ZFHX3: variants seen among roughly 807,000 people sequenced by gnomAD.
ZFHX3 encodes the protein zinc finger homeobox protein 3.
In ZFHX3, 42 loss-of-function variants were observed where a neutral mutation model predicts 279.1. That is an observed-to-expected ratio of 0.15 (90% CI 0.12 to 0.19). The LOEUF is 0.19. ZFHX3 is among the 10% of genes least tolerant of loss of function. ZFHX3 has a pLI of 1.00. For synonymous variants in ZFHX3, 2,293 were observed against 1,957.8 expected, an observed-to-expected ratio of 1.17 and a Z score of -4.52; for missense variants, 4,981 against 4,754.0, an observed-to-expected ratio of 1.05 and a Z score of -1.40.
intron 4 of ZFHX3, among the ~76,000 whole-genome samples, chr16:73,304,651 G>T (rs1017042995): frequency 3.9e-5 from 6 of 152,166 alleles, no homozygotes; most frequent in African/African-American, 1.2e-4. Context: ...ATCTAAAGCA[G>T]CATGTCACTG....
At chr16:73,388,566 C>T (rs2016947298) in intron 3 of ZFHX3, among the ~76,000 whole-genome samples, 1 of 152,208 alleles carries the variant, frequency 6.6e-6, no homozygotes, top group Non-Finnish European at 1.5e-5. Context: ...TTGGAGGCTC[C>T]ATGGAGGGCT....
intron 3 of ZFHX3, among the ~76,000 whole-genome samples, chr16:73,388,638 T>C (rs1292937682): frequency 6.6e-6 from 1 of 152,202 alleles, no homozygotes; most frequent in African/African-American, 2.4e-5. Flanking sequence ...CTCCCCCTGC[T>C]AGCTCCTTTC....
intron 6 of ZFHX3, among the ~76,000 whole-genome samples, chr16:73,133,427 C>T (rs368675424): frequency 2.0e-5 from 3 of 151,588 alleles, no homozygotes; most frequent in Non-Finnish European, 2.9e-5. Context: ...GAGGCTGAGG[C>T]GGGAGAATTA....
chr16:73,076,335 T>A (rs900330671), intron 8 of ZFHX3, among the ~76,000 whole-genome samples: 2 of 152,184 alleles, frequency 1.3e-5, no homozygotes, highest in Admixed American at 1.3e-4. Context: ...CTAAGTTAAA[T>A]CTGTTAGTAC....
intron 1 of ZFHX3, among the ~76,000 whole-genome samples, chr16:73,807,221 T>A (rs1960300875): frequency 6.6e-6 from 1 of 152,130 alleles, no homozygotes; most frequent in Non-Finnish European, 1.5e-5. Context: ...TGTGAATACA[T>A]CATTTTTCAT....
In ZFHX3 at chr16:72,783,480, T is replaced by G. The variant is rs759965194; in HGVS notation, c.*3684A>C. 4 of 152,632 alleles carry G rather than the reference T, an allele frequency of 2.6e-5. No individual in the cohort carries two copies. The highest frequency in any genetic ancestry group is 4.4e-5 in the Non-Finnish European group (3 of 68,052). 9.5% of individuals were successfully genotyped at this position (152,632 alleles called of 1,614,324 possible). A position where few individuals can be genotyped will look rare whatever the true frequency, so the allele number is the denominator to read the frequency against. ...GGTCACTGCCTCTCTCTCCTGCAAC[T>G]TCCTGCCATGCCTGATAAACTCAGG... On this transcript the variant is annotated 3_prime_UTR_variant, in exon 10 of 10. Transcript: ENST00000268489.
chr16:73,537,281 C>T lies in ZFHX3; in HGVS notation c.-1546-81023G>A, dbSNP rs988965000. Among the ~76,000 whole-genome samples, 11 of 149,752 alleles carry T rather than the reference C, an allele frequency of 7.3e-5. No homozygotes were observed. The South Asian group carries it at 1.3e-3, about 17-fold the overall frequency. ...GGAATGTTTTCTTGTGTTCTGATTC[C>T]GGCTCTAAATCTAAAGTCACTTCTT... is the stretch of plus-strand genomic sequence containing the variant. On this transcript the variant is annotated intron_variant, in intron 2 of 17. Coordinates refer to the ZFHX3 transcript ENST00000641206.
chr16:72,848,986 G>T (rs928743529), intron 4 of ZFHX3, among the ~76,000 whole-genome samples: 1 of 152,014 alleles, frequency 6.6e-6, no homozygotes, highest in African/African-American at 2.4e-5. Flanking sequence ...AAAACCAGGG[G>T]GGAAGGAAAA....
chr16:72,975,059 G>A (rs755065042), intron 1 of ZFHX3, among the ~76,000 whole-genome samples: 20 of 152,188 alleles, frequency 1.3e-4, no homozygotes, highest in South Asian at 4.1e-4. Flanking sequence ...CTACCACCAG[G>A]ACGCAAGGGC....
chr16:73,146,946 C>A (rs1290292536), intron 5 of ZFHX3, among the ~76,000 whole-genome samples: 2 of 152,214 alleles, frequency 1.3e-5, no homozygotes, highest in Non-Finnish European at 2.9e-5. Context: ...ACGTGAGCCA[C>A]CGTGCCTGGC....
chr16:73,658,626 T>C (rs1329376987), intron 2 of ZFHX3, among the ~76,000 whole-genome samples: 1 of 152,176 alleles, frequency 6.6e-6, no homozygotes, highest in East Asian at 1.9e-4. Flanking sequence ...TTATGACATA[T>C]CATCCACTTG....
At chr16:73,023,285 G>A (rs550803745) in intron 1 of ZFHX3, among the ~76,000 whole-genome samples, 20 of 152,270 alleles carry the variant, frequency 1.3e-4, no homozygotes, top group Admixed American at 8.5e-4. Context: ...ACATCTACAG[G>A]CTAGGTTTTG....
chr16:73,678,220 G>A (rs1381511729), intron 2 of ZFHX3, among the ~76,000 whole-genome samples: 1 of 152,072 alleles, frequency 6.6e-6, no homozygotes, highest in Non-Finnish European at 1.5e-5. Context: ...AAACTTTTCT[G>A]TGTTACACGC....
chr16:73,057,778 C>T (rs1397442971), intron 1 of ZFHX3, among the ~76,000 whole-genome samples: 1 of 151,102 alleles, frequency 6.6e-6, no homozygotes, highest in Non-Finnish European at 1.5e-5. Context: ...GGCCGCCTCG[C>T]CCCCTCCGGG....
intron 2 of ZFHX3, among the ~76,000 whole-genome samples, chr16:73,506,663 C>T (rs896289297): frequency 1.3e-5 from 2 of 152,140 alleles, no homozygotes; most frequent in East Asian, 1.9e-4. Flanking sequence ...GCCCTGACCG[C>T]GACCAATCAG....
intron 5 of ZFHX3, among the ~76,000 whole-genome samples, chr16:73,149,679 T>A (rs1966893813): frequency 6.6e-6 from 1 of 152,218 alleles, no homozygotes; most frequent in African/African-American, 2.4e-5. Flanking sequence ...CCACAATTAA[T>A]TTTTCAACTA....
chr16:73,861,702 A>G (rs926365508), intron 1 of ZFHX3, among the ~76,000 whole-genome samples: 6 of 152,188 alleles, frequency 3.9e-5, no homozygotes, highest in Admixed American at 1.3e-4. Flanking sequence ...CTGTTAAAAC[A>G]TGCTACTGCC....
At chr16:73,519,776 C>T (rs978763682) in intron 2 of ZFHX3, among the ~76,000 whole-genome samples, 4 of 152,152 alleles carry the variant, frequency 2.6e-5, no homozygotes, top group Non-Finnish European at 1.5e-5. Flanking sequence ...CTTCTACTTC[C>T]TTTACCAGGG....
chr16:73,674,990 G>A (rs716270), intron 2 of ZFHX3, among the ~76,000 whole-genome samples: 92,523 of 151,922 alleles, frequency 0.61, 29,302 homozygotes, highest in Middle Eastern at 0.83. Context: ...GCTACATTTG[G>A]TGGTTTGTAA....
Sources: gnomAD v4.1 joint callset for allele counts (sites outside exome capture counted in the v4.1 genomes callset) on GRCh38, gnomAD v4.1.1 for gene constraint, MANE v1.5 for transcripts, NCBI Gene and HGNC (gene_info 2026-07-23, HGNC 2026-07-21) for gene names.